The following KHDRBS2 variants were observed in gnomAD, a reference collection of about 807,000 sequenced individuals.
The protein encoded by KHDRBS2 is KH RNA binding domain containing, signal transduction associated 2.
In KHDRBS2, 26 loss-of-function variants were observed where a neutral mutation model predicts 44.3. The observed-to-expected ratio is 0.59, with a 90% CI of 0.43 to 0.81. The LOEUF (loss-of-function observed/expected upper bound fraction) is 0.81. Among genes scored for constraint, KHDRBS2 ranks in the 40% least tolerant of loss-of-function variants. KHDRBS2 has a pLI of 0.00. For missense variants in KHDRBS2, 476 were observed against 433.1 expected, an observed-to-expected ratio of 1.10 and a Z score of -0.88; for synonymous variants, 194 against 151.1, an observed-to-expected ratio of 1.28 and a Z score of -2.08.
At position 62,057,903 on chromosome 6, in the gene KHDRBS2, G is replaced by A. The variant is rs191609998; in HGVS notation, c.220-9909C>T. Among the ~76,000 whole-genome samples the A allele has an allele frequency of 8.2e-4, 125 of 151,966 alleles. No individual in the cohort carries two copies. The East Asian group carries it at 0.011, about 13-fold the overall frequency. On this transcript the variant is annotated intron_variant, in intron 2 of 8. Transcript: ENST00000281156. ...AACAAAACATAATTGGTGGCAAAAC[G>A]AGTGATTATCATAAGTGTCAGGCCA...
the KHDRBS2 span, among the ~76,000 whole-genome samples, chr6:61,656,322 A>G: frequency 1.3e-5 from 2 of 151,964 alleles, no homozygotes; most frequent in Non-Finnish European, 2.9e-5. Context: ...AGTGCATCAT[A>G]TATATTAACT....
At chr6:61,632,662 G>A in the KHDRBS2 span, among the ~76,000 whole-genome samples, 18 of 152,116 alleles carry the variant, frequency 1.2e-4, no homozygotes, top group Admixed American at 1.0e-3. Flanking sequence ...TATGCTTTAG[G>A]TCAATCCCTA....
At chr6:61,986,672 T>C (rs2127239585) in intron 3 of KHDRBS2, among the ~76,000 whole-genome samples, 1 of 152,186 alleles carries the variant, frequency 6.6e-6, no homozygotes, top group East Asian at 1.9e-4. Flanking sequence ...GTTCTGAAGG[T>C]TGGGAAATCA....
chr6:61,581,483 T>C, the KHDRBS2 span, among the ~76,000 whole-genome samples: 1 of 150,160 alleles, frequency 6.7e-6, no homozygotes, highest in East Asian at 1.9e-4. Flanking sequence ...CCAGGACAAG[T>C]AGTGAAGACA....
At chr6:61,986,276 T>C (rs1387868875) in intron 3 of KHDRBS2, among the ~76,000 whole-genome samples, 1 of 152,184 alleles carries the variant, frequency 6.6e-6, no homozygotes, top group South Asian at 2.1e-4. Flanking sequence ...AGTAACTTGG[T>C]TGTGGTTATT....
chr6:61,696,686 A>T (rs1425568827), intron 8 of KHDRBS2, among the ~76,000 whole-genome samples: 1 of 152,168 alleles, frequency 6.6e-6, no homozygotes, highest in Non-Finnish European at 1.5e-5. Flanking sequence ...TAATTAAGGA[A>T]TATATTTTTT....
At chr6:61,776,456 C>T (rs1208451264) in intron 6 of KHDRBS2, among the ~76,000 whole-genome samples, 2 of 151,274 alleles carry the variant, frequency 1.3e-5, no homozygotes, top group Non-Finnish European at 1.5e-5. Context: ...AAAAAAACAA[C>T]CCTATCAAAA....
intron 6 of KHDRBS2, among the ~76,000 whole-genome samples, chr6:61,790,637 A>G (rs575245444): frequency 4.0e-5 from 6 of 151,532 alleles, no homozygotes; most frequent in Non-Finnish European, 5.9e-5. Context: ...TCTAACTTTT[A>G]CATGATATAT....
At chr6:61,592,341 A>G in the KHDRBS2 span, among the ~76,000 whole-genome samples, 2 of 152,180 alleles carry the variant, frequency 1.3e-5, no homozygotes, top group Admixed American at 1.3e-4. Context: ...GTTACAGTAA[A>G]AATAAGGGCC....
At chr6:61,686,092 A>G (rs968725010) in intron 8 of KHDRBS2, among the ~76,000 whole-genome samples, 17 of 151,824 alleles carry the variant, frequency 1.1e-4, no homozygotes, top group Non-Finnish European at 2.1e-4. Context: ...TACTGAGTGC[A>G]GTCATGATAC....
the KHDRBS2 span, among the ~76,000 whole-genome samples, chr6:61,581,094 C>T: frequency 1.3e-5 from 2 of 152,132 alleles, no homozygotes; most frequent in African/African-American, 2.4e-5. Context: ...AATAGGAATT[C>T]CCCTTTTCTA....
intron 6 of KHDRBS2, among the ~76,000 whole-genome samples, chr6:61,817,256 G>C (rs1336447718): frequency 2.0e-5 from 3 of 149,926 alleles, no homozygotes; most frequent in Non-Finnish European, 4.4e-5. Context: ...AAAATGGTAA[G>C]ATGAAAATCA....
At chr6:61,579,120 G>A in the KHDRBS2 span, among the ~76,000 whole-genome samples, 1 of 152,138 alleles carries the variant, frequency 6.6e-6, no homozygotes, top group Non-Finnish European at 1.5e-5. Context: ...CAGTAGTATA[G>A]AGAACACATT....
intron 2 of KHDRBS2, among the ~76,000 whole-genome samples, chr6:62,058,090 C>T (rs1163986907): frequency 3.3e-5 from 5 of 151,762 alleles, no homozygotes; most frequent in Non-Finnish European, 7.4e-5. Flanking sequence ...TTACACGTGG[C>T]ATTTTTCTGG....
rs529265446 is a variant in KHDRBS2, at chr6:61,683,776, C to T, written c.953-2716G>A. On this transcript the variant is annotated intron_variant, in intron 8 of 8. Transcript: ENST00000281156. The stretch of plus-strand genomic sequence containing the variant: ...CACAAATATGTGCTCTTTTATAACG[C>T]TCTGCTTCTATGTGAATTAATACTA... Among the ~76,000 whole-genome samples, 10 of 151,910 alleles carry T rather than the reference C, an allele frequency of 6.6e-5. No individual in the cohort carries two copies. The East Asian group carries it at 1.6e-3, about 24-fold the overall frequency.
At chr6:61,747,004 T>A (rs879641683) in intron 6 of KHDRBS2, among the ~76,000 whole-genome samples, 2 of 145,342 alleles carry the variant, frequency 1.4e-5, no homozygotes, top group Non-Finnish European at 3.0e-5. Flanking sequence ...ATATCCAGAA[T>A]CTACAAGGAA....
chr6:62,246,102 T>A (rs1305322991), intron 1 of KHDRBS2, among the ~76,000 whole-genome samples: 13 of 124,334 alleles, frequency 1.0e-4, no homozygotes, highest in Admixed American at 1.8e-4. Context: ...TCAATCAATT[T>A]TATATATATA....
intron 1 of KHDRBS2, among the ~76,000 whole-genome samples, chr6:62,195,924 T>G (rs1825591353): frequency 6.6e-6 from 1 of 152,116 alleles, no homozygotes; most frequent in African/African-American, 2.4e-5. Context: ...GTAAATTAAT[T>G]AAACAATTAG....
chr6:61,863,737 A>C (rs1180381596), intron 6 of KHDRBS2, among the ~76,000 whole-genome samples: 1 of 152,092 alleles, frequency 6.6e-6, no homozygotes, highest in Non-Finnish European at 1.5e-5. Context: ...GCCAATTGGC[A>C]ATGAGAAGAA....
Sources: gnomAD v4.1 joint callset for allele counts (sites outside exome capture counted in the v4.1 genomes callset) on GRCh38, gnomAD v4.1.1 for gene constraint, MANE v1.5 for transcripts, NCBI Gene and HGNC (gene_info 2026-07-23, HGNC 2026-07-21) for gene names.